The following LRRTM3 variants were observed in gnomAD, a reference collection of about 807,000 sequenced individuals.
The protein encoded by LRRTM3 is leucine rich repeat transmembrane neuronal 3, also known as leucine-rich repeat transmembrane neuronal protein 3.
A neutral mutation model predicts 44.7 loss-of-function variants in LRRTM3; 24 were observed. The ratio of observed to expected loss-of-function variants is 0.54; its 90% confidence interval spans 0.39 to 0.76. The LOEUF (loss-of-function observed/expected upper bound fraction) is 0.76, where lower values mean the gene tolerates loss of function less well. LRRTM3 is among the 30% of genes least tolerant of loss of function. The pLI, the probability that LRRTM3 is intolerant of heterozygous loss-of-function variation, is 0.00. For missense variants in LRRTM3, 587 were observed against 702.2 expected (o/e 0.84, Z 1.85); for synonymous variants, 277 against 278.7 (o/e 0.99, Z 0.06).
intron 2 of LRRTM3, among the ~76,000 whole-genome samples, chr10:67,096,773 C>G (rs1858019322): frequency 6.6e-6 from 1 of 151,822 alleles, no homozygotes; most frequent in Non-Finnish European, 1.5e-5. Flanking sequence ...GCAAGGGAGT[C>G]CCTTCCTCAT....
intron 2 of LRRTM3, among the ~76,000 whole-genome samples, chr10:66,958,470 T>TA (rs910398956): frequency 6.7e-6 from 1 of 149,580 alleles, no homozygotes; most frequent in South Asian, 2.1e-4. Flanking sequence ...CTTTTTTTTT[T>TA]AAAAAAAATA....
At chr10:66,953,855 A>G (rs909287648) in intron 2 of LRRTM3, among the ~76,000 whole-genome samples, 3 of 152,184 alleles carry the variant, frequency 2.0e-5, no homozygotes, top group African/African-American at 7.2e-5. Flanking sequence ...AATCTCAACC[A>G]GAAGAGCTAT....
At chr10:66,963,514 T>C (rs945353848) in intron 2 of LRRTM3, among the ~76,000 whole-genome samples, 2 of 152,146 alleles carry the variant, frequency 1.3e-5, no homozygotes, top group Admixed American at 6.5e-5. Flanking sequence ...TACTTAAAAA[T>C]GGTCAAATAT....
chr10:67,014,095 T>C (rs1416333111), intron 2 of LRRTM3, among the ~76,000 whole-genome samples: 1 of 152,190 alleles, frequency 6.6e-6, no homozygotes, highest in Non-Finnish European at 1.5e-5. Context: ...CAACATTAGT[T>C]TGTATTTTGG....
At chr10:67,012,718 T>C (rs1292461273) in intron 2 of LRRTM3, among the ~76,000 whole-genome samples, 3 of 152,182 alleles carry the variant, frequency 2.0e-5, no homozygotes, top group African/African-American at 7.2e-5. Context: ...CTTTGATGTA[T>C]TTCCAGCTTC....
chr10:67,075,848 G>C (rs1856719435), intron 2 of LRRTM3, among the ~76,000 whole-genome samples: 1 of 152,202 alleles, frequency 6.6e-6, no homozygotes, highest in South Asian at 2.1e-4. Context: ...TTTATAACTA[G>C]CCAGCAAAAT....
At chr10:67,004,491 C>A (rs1217144046) in intron 2 of LRRTM3, among the ~76,000 whole-genome samples, 1 of 110,408 alleles carries the variant, frequency 9.1e-6, no homozygotes, top group Non-Finnish European at 2.1e-5. Context: ...TCCCATAATG[C>A]TTCTTCCCTC....
At chr10:66,961,850 C>T (rs1347175243) in intron 2 of LRRTM3, among the ~76,000 whole-genome samples, 2 of 152,110 alleles carry the variant, frequency 1.3e-5, no homozygotes, top group African/African-American at 4.8e-5. Context: ...CCTATTCCTC[C>T]TCTAATATTC....
intron 2 of LRRTM3, among the ~76,000 whole-genome samples, chr10:67,059,104 A>C (rs1564861800): frequency 6.6e-6 from 1 of 152,290 alleles, no homozygotes; most frequent in East Asian, 1.9e-4. Flanking sequence ...TGAGAATCTA[A>C]TCCTTTAGTC....
At chr10:67,050,207 C>T (rs1854997827) in intron 2 of LRRTM3, among the ~76,000 whole-genome samples, 1 of 152,206 alleles carries the variant, frequency 6.6e-6, no homozygotes, top group Non-Finnish European at 1.5e-5. Context: ...ATCTGCAATG[C>T]AGATAAGAGG....
chr10:67,001,071 G>A (rs1851655546), intron 2 of LRRTM3, among the ~76,000 whole-genome samples: 1 of 152,156 alleles, frequency 6.6e-6, no homozygotes, highest in African/African-American at 2.4e-5. Flanking sequence ...GGGAGGCCGA[G>A]GTGGGTGGAT....
chr10:66,978,315 C>T (rs149323330), intron 2 of LRRTM3, among the ~76,000 whole-genome samples: 33,732 of 151,136 alleles, frequency 0.22, 4,250 homozygotes, highest in Middle Eastern at 0.29. Context: ...TACTTGAGGT[C>T]AGGAGTTCGA....
intron 2 of LRRTM3, among the ~76,000 whole-genome samples, chr10:66,952,579 C>G (rs1465119820): frequency 6.6e-6 from 1 of 152,014 alleles, no homozygotes; most frequent in Non-Finnish European, 1.5e-5. Flanking sequence ...GCATGTGCAT[C>G]ATGATGATGT....
intron 2 of LRRTM3, among the ~76,000 whole-genome samples, chr10:66,988,987 T>C (rs1344305067): frequency 6.6e-6 from 1 of 151,302 alleles, no homozygotes; most frequent in Non-Finnish European, 1.5e-5. Flanking sequence ...GTCCTCGATG[T>C]TTCCTCTCAC....
intron 2 of LRRTM3, among the ~76,000 whole-genome samples, chr10:66,954,036 GTTAC>G (rs1848672295): frequency 6.6e-6 from 1 of 152,144 alleles, no homozygotes; most frequent in African/African-American, 2.4e-5. Context: ...AATACTAGCT[GTTAC>G]TTCCATTCTG....
chr10:66,997,688 C>T (rs1851432671), intron 2 of LRRTM3, among the ~76,000 whole-genome samples: 1 of 152,174 alleles, frequency 6.6e-6, no homozygotes, highest in Non-Finnish European at 1.5e-5. Context: ...AGTTTGTCAT[C>T]TAAATACCTC....
Position 66,984,678 on chromosome 10 carries a change from T to G in LRRTM3, c.1536+56226T>G, listed in dbSNP as rs1462148128. Among the ~76,000 whole-genome samples the G allele has an allele frequency of 2.6e-5, 4 of 152,184 alleles. No individual in the cohort carries two copies. In the East Asian group the frequency reaches 7.7e-4, roughly 29 times the overall value. ...GTTTTACCCTCTTAATTTTCATTCC[T>G]TTATGCTTTTTTTCTTGTATGTACT... On this transcript the variant is annotated intron_variant, in intron 2 of 2. Transcript: ENST00000361320.
intron 2 of LRRTM3, among the ~76,000 whole-genome samples, chr10:67,017,752 T>TGTGCGC (rs1491459209): frequency 1.4e-5 from 2 of 145,848 alleles, no homozygotes; most frequent in African/African-American, 5.1e-5. Context: ...TGTGTGTGTG[T>TGTGCGC]GCGCGCGTAC....
At chr10:67,027,219 G>A (rs1402865525) in intron 2 of LRRTM3, among the ~76,000 whole-genome samples, 1 of 152,020 alleles carries the variant, frequency 6.6e-6, no homozygotes. Context: ...GGAGAGATGA[G>A]GAAAGGAAGG....
Sources: gnomAD v4.1 joint callset for allele counts (sites outside exome capture counted in the v4.1 genomes callset) on GRCh38, gnomAD v4.1.1 for gene constraint, MANE v1.5 for transcripts, NCBI Gene and HGNC (gene_info 2026-07-23, HGNC 2026-07-21) for gene names.